The following HRH1 variants were observed in gnomAD, a reference collection of about 807,000 sequenced individuals.
The protein encoded by HRH1 is histamine receptor H1.
HRH1 carries 6 observed loss-of-function variants against 10.3 expected under a neutral mutation model. The ratio of observed to expected loss-of-function variants is 0.58; its 90% CI spans 0.32 to 1.15. The LOEUF (loss-of-function observed/expected upper bound fraction) is 1.15, where lower values mean the gene tolerates loss of function less well. Ranked by LOEUF, HRH1 falls within the 50% of genes most tolerant of loss-of-function variation. HRH1 has a pLI of 0.05. For synonymous variants in HRH1, 242 were observed against 236.7 expected (o/e 1.02, Z -0.21); for missense variants, 514 against 615.3 (o/e 0.84, Z 1.74).
Position 11,259,466 on chromosome 3 carries a change from A to G in HRH1, c.429A>G (p.Arg143=). ...ACCTTAAGTATCGTACCAAGACCCG[A>G]GCCTCGGCCACCATTCTGGGGGCCT... ...LRYLKYRTKT[R]ASATILGAWF... is the part of the protein sequence containing the mutation. Residue 143 remains arginine, a synonymous_variant, in exon 2 of 2, where the codon CGA becomes CGG. Transcript: ENST00000431010. The surrounding 1 kb of genome is among the most constrained non-coding windows in gnomAD (Gnocchi z 4.6). 6.2e-7 allele frequency: 1 copy of G among 1,613,540 alleles called. No individual in the cohort carries two copies. Among genetic ancestry groups the G allele is most frequent in the East Asian group, 2.2e-5 (1 of 44,816 alleles).
rs573171655 is a variant in HRH1 at position 11,211,876 on chromosome 3, TAGAC to T, written c.-35-47124_-35-47121del. ...TCCTGTGGTTTGGAGAAGCGTTTCTTAGACAGGCTGTATCAGAATCATTGGAGGT... is the reference window on the plus strand; with the variant it reads ...TCCTGTGGTTTGGAGAAGCGTTTCTTAGGCTGTATCAGAATCATTGGAGGT... On this transcript the variant is annotated intron_variant, in intron 1 of 1. Transcript: ENST00000431010. Among the ~76,000 whole-genome samples, 18 of 152,350 alleles carry T rather than the reference TAGAC, an allele frequency of 1.2e-4. No individual in the cohort carries two copies. In the East Asian group the frequency reaches 3.5e-3, roughly 29 times the overall value.
At chr3:11,159,722 A>C (rs557303485) in intron 1 of HRH1, among the ~76,000 whole-genome samples, 2 of 152,234 alleles carry the variant, frequency 1.3e-5, no homozygotes, top group Non-Finnish European at 2.9e-5. Context: ...TGATGTGGGC[A>C]AGAGTCCCAC....
intron 1 of HRH1, among the ~76,000 whole-genome samples, chr3:11,218,447 CAAAAA>C (rs1026039560): frequency 1.9e-5 from 1 of 53,978 alleles, no homozygotes; most frequent in African/African-American, 7.0e-5. Context: ...GACTCCATCT[CAAAAA>C]AAAAAAAAAA....
chr3:11,146,418 A>G (rs1424319803), intron 1 of HRH1, among the ~76,000 whole-genome samples: 2 of 152,232 alleles, frequency 1.3e-5, no homozygotes, highest in Non-Finnish European at 2.9e-5. Context: ...TTGAGTTTCA[A>G]AAGTCTAGCA....
chr3:11,178,812 T>G (rs1234818303), intron 1 of HRH1, among the ~76,000 whole-genome samples: 1 of 152,122 alleles, frequency 6.6e-6, no homozygotes, highest in Non-Finnish European at 1.5e-5. Flanking sequence ...TGGGGTGGCG[T>G]CTGGGAAACC....
intron 1 of HRH1, among the ~76,000 whole-genome samples, chr3:11,157,550 A>C (rs1936836163): frequency 6.6e-6 from 1 of 152,234 alleles, no homozygotes; most frequent in Non-Finnish European, 1.5e-5. Flanking sequence ...CACTTCTGCC[A>C]TTAATGGTTG....
chr3:11,160,013 TC>T (rs1189997592), intron 1 of HRH1, among the ~76,000 whole-genome samples: 29 of 152,224 alleles, frequency 1.9e-4, no homozygotes, highest in Non-Finnish European at 1.5e-5. Flanking sequence ...TGAAGGGGAC[TC>T]AGCCTAGGGT....
At chr3:11,139,623 C>T (rs567425917) in intron 1 of HRH1, among the ~76,000 whole-genome samples, 5 of 152,154 alleles carry the variant, frequency 3.3e-5, no homozygotes, top group African/African-American at 1.2e-4. Context: ...TCCATCAACT[C>T]ATGAAGGGAT....
At chr3:11,170,534 C>T (rs1317483292) in intron 1 of HRH1, among the ~76,000 whole-genome samples, 1 of 152,264 alleles carries the variant, frequency 6.6e-6, no homozygotes, top group African/African-American at 2.4e-5. Context: ...CGGGCAGTAT[C>T]CCATGGGCGA....
intron 1 of HRH1, among the ~76,000 whole-genome samples, chr3:11,178,450 T>C (rs570995071): frequency 1.3e-5 from 2 of 152,324 alleles, no homozygotes; most frequent in South Asian, 4.1e-4. Context: ...CTTGGATCTC[T>C]TTACAGTTTC....
chr3:11,208,079 A>G (rs1210270852), intron 1 of HRH1, among the ~76,000 whole-genome samples: 1 of 151,770 alleles, frequency 6.6e-6, no homozygotes, highest in African/African-American at 2.4e-5. Context: ...ATTTTCTCAC[A>G]TCTCTTTCCT....
At chr3:11,155,285 A>G (rs1559254622) in intron 1 of HRH1, among the ~76,000 whole-genome samples, 4 of 152,078 alleles carry the variant, frequency 2.6e-5, no homozygotes, top group Admixed American at 2.0e-4. Flanking sequence ...ATGCTTTGGG[A>G]AAATGAGTGG....
At chr3:11,177,645 CTT>C (rs1937272459) in intron 1 of HRH1, among the ~76,000 whole-genome samples, 1 of 152,192 alleles carries the variant, frequency 6.6e-6, no homozygotes, top group African/African-American at 2.4e-5. Context: ...AGAGCAGAGA[CTT>C]TGTCCAATTT....
rs567390214 is a variant in HRH1 at position 11,262,830 on chromosome 3, T to C, written c.*2329T>C. On this transcript the variant is annotated 3_prime_UTR_variant, in exon 2 of 2. Coordinates refer to ENST00000431010, the MANE Select transcript of HRH1 (RefSeq NM_001098212.2). ...TCTAAGGAACAAGGTCTATGCATTA[T>C]TGTATACAGTGTCTCTAGTGCTTGT... 6 of 167,258 alleles carry C rather than the reference T, an allele frequency of 3.6e-5. No individual in the cohort carries two copies. In the East Asian group the frequency reaches 1.2e-3, roughly 32 times the overall value. 10.4% of individuals were successfully genotyped at this position (167,258 alleles called of 1,614,324 possible).
chr3:11,234,237 T>C (rs1326792964), intron 1 of HRH1: 3 of 1,488,514 alleles, frequency 2.0e-6, no homozygotes, highest in African/African-American at 2.8e-5. Context: ...TGGAGCCCAG[T>C]GCCTTGTGGC....
chr3:11,249,700 T>G (rs1301573223), intron 1 of HRH1, among the ~76,000 whole-genome samples: 1 of 152,176 alleles, frequency 6.6e-6, no homozygotes, highest in African/African-American at 2.4e-5. Context: ...CATCCCTGGT[T>G]TTTGGTTGTC....
chr3:11,255,774 C>G (rs1013168786), intron 1 of HRH1, among the ~76,000 whole-genome samples: 8 of 152,208 alleles, frequency 5.3e-5, no homozygotes, highest in Non-Finnish European at 1.0e-4. Context: ...TTCTGATTAG[C>G]CTCTCCAAAA....
intron 1 of HRH1, among the ~76,000 whole-genome samples, chr3:11,179,680 G>C (rs955789765): frequency 2.0e-5 from 3 of 151,688 alleles, no homozygotes; most frequent in African/African-American, 4.8e-5. Flanking sequence ...AAGTTAGGGG[G>C]CCTGACTTCA....
intron 1 of HRH1, among the ~76,000 whole-genome samples, chr3:11,185,315 A>C (rs191584638): frequency 1.3e-5 from 2 of 152,322 alleles, no homozygotes; most frequent in East Asian, 1.9e-4. Context: ...ACATCCTTCG[A>C]GTTCTGGCTC....
Sources: gnomAD v4.1 joint callset for allele counts (sites outside exome capture counted in the v4.1 genomes callset) on GRCh38, gnomAD v4.1.1 for gene constraint, Gnocchi (gnomAD v3.1) non-coding constraint, MANE v1.5 for transcripts, NCBI Gene and HGNC (gene_info 2026-07-23, HGNC 2026-07-21) for gene names.